The following TMEM255B variants were observed in gnomAD, a reference collection of about 807,000 sequenced individuals.
TMEM255B encodes the protein family with sequence similarity 70, member B.
A neutral mutation model predicts 34.5 loss-of-function variants in TMEM255B; 35 were observed. The ratio of observed to expected loss-of-function variants is 1.01; its 90% CI spans 0.77 to 1.34. The LOEUF (loss-of-function observed/expected upper bound fraction) is 1.34, where lower values mean the gene tolerates loss of function less well. Among genes scored for constraint, TMEM255B ranks in the 40% most tolerant of loss-of-function variants. The pLI is 0.00. For synonymous variants in TMEM255B, 206 were observed against 201.2 expected (o/e 1.02, Z -0.20); for missense variants, 432 against 433.2 (o/e 1.00, Z 0.02).
chr13:113,805,146 G>A (rs2051146970), intron 8 of TMEM255B, 118 bp downstream of exon 8: 29 of 1,245,568 alleles, frequency 2.3e-5, no homozygotes, highest in Non-Finnish European at 3.0e-5. Flanking sequence ...TCTGGATTAG[G>A]GATGGGAGGT....
At chr13:113,761,080 C>G (rs139650712) in intron 1 of TMEM255B, 1 of 660,544 alleles carries the variant, frequency 1.5e-6, no homozygotes, top group Non-Finnish European at 1.9e-6. Flanking sequence ...AAAATCAGGA[C>G]GAAAGAGGAA....
intron 3 of TMEM255B, among the ~76,000 whole-genome samples, chr13:113,786,934 G>C (rs1247955309): frequency 6.6e-6 from 1 of 152,172 alleles, no homozygotes; most frequent in Non-Finnish European, 1.5e-5. Context: ...CCCTGTTCCA[G>C]GCTCACTAGT....
At chr13:113,785,265 G>C (rs762518200) in intron 3 of TMEM255B, among the ~76,000 whole-genome samples, 1 of 145,524 alleles carries the variant, frequency 6.9e-6, no homozygotes, top group Non-Finnish European at 1.5e-5. Context: ...AAAGTGCCCA[G>C]GCTGAGAGTC....
chr13:113,772,158 G>A (rs2050489185), intron 3 of TMEM255B, among the ~76,000 whole-genome samples: 1 of 152,162 alleles, frequency 6.6e-6, no homozygotes, highest in African/African-American at 2.4e-5. Flanking sequence ...AGAAATGTCT[G>A]TTCATTTCCT....
intron 3 of TMEM255B, among the ~76,000 whole-genome samples, chr13:113,787,359 G>C (rs542971259): frequency 2.6e-5 from 4 of 152,198 alleles, no homozygotes; most frequent in African/African-American, 9.6e-5. Flanking sequence ...GTTTTTAAAC[G>C]TTCTAAGAAT....
At chr13:113,810,845 G>A (rs2051284305) in intron 8 of TMEM255B, among the ~76,000 whole-genome samples, 1 of 152,242 alleles carries the variant, frequency 6.6e-6, no homozygotes, top group Admixed American at 6.5e-5. Flanking sequence ...CACTGAACCA[G>A]CCACACGCTG....
chr13:113,801,265 C>T (rs911757428), intron 6 of TMEM255B, among the ~76,000 whole-genome samples: 2 of 152,244 alleles, frequency 1.3e-5, no homozygotes, highest in Non-Finnish European at 2.9e-5. Flanking sequence ...AGAGTTTAAA[C>T]CTGGCCTGGC....
intron 8 of TMEM255B, among the ~76,000 whole-genome samples, chr13:113,807,270 C>A (rs2051190785): frequency 6.6e-6 from 1 of 151,652 alleles, no homozygotes; most frequent in Admixed American, 6.6e-5. Flanking sequence ...GGTGGTCCTT[C>A]CCGTCACACG....
rs151252443 is a variant in TMEM255B, at chr13:113,792,234, C to T, written c.253-2914C>T. ...ATTTCAGTTAGGTGTAATTTCTGCC[C>T]GCTGTTTTTACACAGCTCTGCATAA... On this transcript the variant is annotated intron_variant, in intron 3 of 8. Transcript: ENST00000375353. 2.3e-3 allele frequency among the ~76,000 whole-genome samples: 356 copies of T among 152,352 alleles called. 2 individuals are homozygous for T. The highest frequency in any genetic ancestry group is 3.4e-3 in the Non-Finnish European group (229 of 68,024).
In TMEM255B at chr13:113,815,572, C is replaced by G. The variant is rs950971193; in HGVS notation, c.*3669C>G. On this transcript the variant is annotated 3_prime_UTR_variant, in exon 9 of 9. Coordinates refer to ENST00000375353, the MANE Select transcript of TMEM255B (RefSeq NM_182614.4). ...TGATAGTGAGTAAGTCTCACGAGAT[C>G]TGACTGGTTGATCAGGATTTCCGCT... is the stretch of plus-strand genomic sequence containing the variant. The G allele has an allele frequency of 6.5e-5, 10 of 152,888 alleles. No individual in the cohort carries two copies. The highest frequency in any genetic ancestry group is 6.5e-4 in the Admixed American group (10 of 15,300). The allele number at this position is 152,888 out of a possible 1,614,324, so 9.5% of individuals were successfully genotyped here.
chr13:113,808,133 G>T (rs1473619645), intron 8 of TMEM255B, among the ~76,000 whole-genome samples: 1 of 152,164 alleles, frequency 6.6e-6, no homozygotes, highest in Non-Finnish European at 1.5e-5. Flanking sequence ...TGCTTCCACA[G>T]AGATGGAGAG....
chr13:113,796,711 C>A (rs1352732316), intron 4 of TMEM255B, among the ~76,000 whole-genome samples: 1 of 152,344 alleles, frequency 6.6e-6, no homozygotes, highest in Non-Finnish European at 1.5e-5. Context: ...GGTGGGCTCT[C>A]GCCATCTGGG....
intron 3 of TMEM255B, among the ~76,000 whole-genome samples, chr13:113,785,812 G>A (rs1338568626): frequency 6.6e-6 from 1 of 152,094 alleles, no homozygotes; most frequent in African/African-American, 2.4e-5. Context: ...GCTCAGGAGA[G>A]GCAGGAAAAA....
At position 113,759,292 on chromosome 13, in the gene TMEM255B, C is replaced by A. The variant is rs1376919562; in HGVS notation, c.23C>A (p.Pro8His). 1 of 1,229,214 alleles carries A rather than the reference C, an allele frequency of 8.1e-7. No homozygotes were observed. The highest frequency in any genetic ancestry group is 1.0e-6 in the Non-Finnish European group (1 of 986,314). 76.1% of individuals were successfully genotyped at this position (1,229,214 alleles called of 1,614,324 possible). Residue 8 changes from proline (P) to histidine (H), a missense_variant, in exon 1 of 9, where the codon CCC becomes CAC. Pro to His is a moderately conservative substitution (Grantham distance 77). Coordinates refer to ENST00000375353, the MANE Select transcript of TMEM255B (RefSeq NM_182614.4). ...GGGATGCAGCCGCCGGTGCCCGGGC[C>A]CCTGGGCCTGCTGGACCCCGCAGGT... MQPPVPG[P>H]LGLLDPAEGL...
intron 3 of TMEM255B, among the ~76,000 whole-genome samples, chr13:113,792,926 C>T (rs1290216714): frequency 6.6e-6 from 1 of 152,242 alleles, no homozygotes; most frequent in East Asian, 1.9e-4. Context: ...CTCATGTCTG[C>T]GCCTGCAGCA....
chr13:113,795,084 T>G, intron 3 of TMEM255B, 64 bp from the exon 4 acceptor site: 1 of 1,481,620 alleles, frequency 6.7e-7, no homozygotes, highest in Non-Finnish European at 9.4e-7. Context: ...GACTTTGAAT[T>G]GGTTTGCGTT....
At chr13:113,798,024 G>T (rs1230675441) in intron 4 of TMEM255B, among the ~76,000 whole-genome samples, 1 of 152,242 alleles carries the variant, frequency 6.6e-6, no homozygotes, top group Non-Finnish European at 1.5e-5. Flanking sequence ...CAGATGGTCG[G>T]ATGGATTGAT....
At chr13:113,774,440 G>A (rs185267564) in intron 3 of TMEM255B, among the ~76,000 whole-genome samples, 125 of 152,280 alleles carry the variant, frequency 8.2e-4, no homozygotes, top group Non-Finnish European at 1.5e-4. Context: ...GATGGGAAAG[G>A]GAAGGGCATA....
At chr13:113,763,571 T>TAAACA in intron 1 of TMEM255B, among the ~76,000 whole-genome samples, 1 of 152,316 alleles carries the variant, frequency 6.6e-6, no homozygotes, top group Admixed American at 6.5e-5. Flanking sequence ...AGCATTGTGG[T>TAAACA]CCTAATTTAA....
Sources: allele counts gnomAD v4.1 joint callset (sites outside exome capture counted in the v4.1 genomes callset), GRCh38; gene constraint gnomAD v4.1.1; transcripts MANE v1.5; gene names NCBI Gene and HGNC (gene_info 2026-07-23, HGNC 2026-07-21).